Variants in BPI observed in about 807,000 individuals in gnomAD.
BPI encodes bactericidal permeability-increasing protein.
In BPI, 48 loss-of-function variants were observed where a neutral mutation model predicts 57.6. The ratio of observed to expected loss-of-function variants is 0.83; its 90% CI spans 0.66 to 1.06. The LOEUF is 1.06. Among genes scored for constraint, BPI ranks in the 50% least tolerant of loss-of-function variants. BPI has a pLI of 0.00. For synonymous variants in BPI, 237 were observed against 238.2 expected, an observed-to-expected ratio of 0.99 and a Z score of 0.05; for missense variants, 651 against 609.7, an observed-to-expected ratio of 1.07 and a Z score of -0.71.
rs992111808 is a variant in BPI, at chr20:38,335,457, G to C, written c.1337-141G>C. The C allele has an allele frequency of 6.9e-6, 5 of 726,144 alleles. No homozygotes were observed. In the African/African-American group the frequency reaches 8.8e-5, roughly 13 times the overall value. 45.0% of individuals were successfully genotyped at this position (726,144 alleles called of 1,614,324 possible). A position where few individuals can be genotyped will look rare whatever the true frequency, so the allele number is the denominator to read the frequency against. On this transcript the variant is annotated intron_variant, in intron 13 of 14. Transcript: ENST00000642449. Reference sequence around the variant, plus strand: ...GACTCTGGGGCAGCCTTCCTTTCAGGCATGTATGCCCATGCCAGTCCCTAC... The same window carrying C: ...GACTCTGGGGCAGCCTTCCTTTCAGCCATGTATGCCCATGCCAGTCCCTAC...
chr20:38,312,071 C>A, intron 5 of BPI, 134 bp downstream of exon 5: 2 of 843,626 alleles, frequency 2.4e-6, no homozygotes, highest in Non-Finnish European at 3.8e-6. Context: ...GAAACCACAA[C>A]CCCAGCTCTA....
At chr20:38,317,599 A>G (rs1244041752) in intron 5 of BPI, 3 of 713,226 alleles carry the variant, frequency 4.2e-6, no homozygotes, top group Non-Finnish European at 7.8e-6. Context: ...GAAGTTACAC[A>G]AAGGTCAGGT....
intron 11 of BPI, among the ~76,000 whole-genome samples, chr20:38,330,088 A>G (rs6064403): frequency 0.59 from 90,239 of 151,864 alleles, 27,074 homozygotes; most frequent in African/African-American, 0.67. Flanking sequence ...AAATTAGCTG[A>G]GCTTGGTGGC....
Position 38,337,482 on chromosome 20 carries a change from A to G in BPI, c.*298A>G, listed in dbSNP as rs2076773281. The stretch of plus-strand genomic sequence containing the variant: ...TTTCCATTTGTGCTTCATGAAAAAA[A>G]ACTTCTGGTTTTTTTCATGTGGATT... On this transcript the variant is annotated 3_prime_UTR_variant, in exon 15 of 15. Coordinates refer to ENST00000642449, the MANE Select transcript of BPI (RefSeq NM_001725.3). The G allele has an allele frequency of 3.1e-6, 1 of 319,738 alleles. No individual in the cohort carries two copies. The highest frequency in any genetic ancestry group is 5.6e-6 in the Non-Finnish European group (1 of 178,308). 19.8% of individuals were successfully genotyped at this position (319,738 alleles called of 1,614,324 possible).
chr20:38,323,887 G>T lies in BPI; in HGVS notation c.774G>T (p.Glu258Asp). ...DVQMKGEFYS[E>D]NHHNPPPFAP... is the part of the protein sequence containing the mutation. ...ACCCCCAGGGGGAGTTTTACAGTGAGAACCACCACAATCCACCTCCCTTTG... is the reference window on the plus strand; with the variant it reads ...ACCCCCAGGGGGAGTTTTACAGTGATAACCACCACAATCCACCTCCCTTTG... The change falls in exon 8 of 15, where the codon GAG becomes GAT. Residue 258 changes from glutamate to aspartate, a missense_variant. Coordinates refer to ENST00000642449, the MANE Select transcript of BPI (RefSeq NM_001725.3). 1.9e-6 allele frequency: 3 copies of T among 1,614,114 alleles called. No homozygotes were observed. The highest frequency in any genetic ancestry group is 2.5e-6 in the Non-Finnish European group (3 of 1,180,000).
At chr20:38,326,227 C>T (rs2076712181) in intron 9 of BPI, 38 bp from the exon 10 acceptor site, 1 of 1,582,274 alleles carries the variant, frequency 6.3e-7, no homozygotes, top group African/African-American at 1.3e-5. Flanking sequence ...TTAACAGAAA[C>T]TCCTCCTTTC....
intron 5 of BPI, chr20:38,318,133 ACCTT>A: frequency 2.5e-6 from 2 of 806,564 alleles, no homozygotes; most frequent in Non-Finnish European, 3.0e-6. Context: ...AAAAAAAAAA[ACCTT>A]ATAAAATAGA....
rs1299793962 is a variant in BPI, at chr20:38,327,655, G to A, written c.1229G>A (p.Arg410Lys). The change falls in exon 11 of 15, where the codon AGG becomes AAG. Residue 410 changes from arginine to lysine, a missense_variant and splice_region_variant. Transcript: ENST00000642449. ...NRLVGELKLD[R>K]LLLELKHSNI... ...CTTGTTGGAGAGCTCAAGCTGGATA[G>A]GTAAGTGGGCCTGTGAGAGGAGGAG... 2.5e-6 allele frequency: 4 copies of A among 1,613,430 alleles called. No individual in the cohort carries two copies. Among genetic ancestry groups the A allele is most frequent in the South Asian group, 1.1e-5 (1 of 91,072 alleles).
At chr20:38,327,092 C>T (rs1336367017) in intron 10 of BPI, among the ~76,000 whole-genome samples, 1 of 152,178 alleles carries the variant, frequency 6.6e-6, no homozygotes, top group Non-Finnish European at 1.5e-5. Context: ...CATATGGCCA[C>T]TGAGGGTGTG....
intron 1 of BPI, 31 bp downstream of exon 1, chr20:38,304,384 A>G: frequency 6.2e-7 from 1 of 1,606,474 alleles, no homozygotes; most frequent in Non-Finnish European, 8.5e-7. Context: ...CCTCCTCTCC[A>G]CCCCTGAGGA....
chr20:38,307,901 T>A (rs2076604594), intron 2 of BPI, among the ~76,000 whole-genome samples: 1 of 152,188 alleles, frequency 6.6e-6, no homozygotes, highest in African/African-American at 2.4e-5. Context: ...CCCCAAACTC[T>A]GCGCCATATG....
At position 38,336,418 on chromosome 20, in the gene BPI, G is replaced by A. The variant is rs148300153; in HGVS notation, c.1414-728G>A. Among the ~76,000 whole-genome samples, 802 of 151,928 alleles carry A rather than the reference G, an allele frequency of 5.3e-3. 5 individuals carry two copies. The highest frequency in any genetic ancestry group is 8.4e-3 in the Non-Finnish European group (570 of 67,984). ...TTCCAAACTCTCAGCTTGTGCATTC[G>A]CAGGCTCCCTCAATGTCTCCACCCT... On this transcript the variant is annotated intron_variant, in intron 14 of 14. Transcript: ENST00000642449.
chr20:38,336,256 T>C (rs1194761716), intron 14 of BPI, among the ~76,000 whole-genome samples: 1 of 151,918 alleles, frequency 6.6e-6, no homozygotes, highest in Non-Finnish European at 1.5e-5. Flanking sequence ...AAGCTGGAGA[T>C]CTCCAGGACC....
rs747911962 is a variant in BPI at position 38,323,829 on chromosome 20, C to T, written c.757-41C>T. The T allele has an allele frequency of 2.5e-6, 4 of 1,589,774 alleles. No individual in the cohort carries two copies. The East Asian group carries it at 6.8e-5, about 27-fold the overall frequency. ...GGATGGAGATGTTGACTTATAATTCCTGAAGAATATCTGGGCTCACTCTGT... is the reference window on the plus strand; with the variant it reads ...GGATGGAGATGTTGACTTATAATTCTTGAAGAATATCTGGGCTCACTCTGT... On this transcript the variant is annotated intron_variant, in intron 7 of 14. Coordinates refer to ENST00000642449, the MANE Select transcript of BPI (RefSeq NM_001725.3).
At chr20:38,316,245 C>T (rs567733338) in intron 5 of BPI, among the ~76,000 whole-genome samples, 1 of 151,280 alleles carries the variant, frequency 6.6e-6, no homozygotes, top group African/African-American at 2.5e-5. Context: ...CCCTCCATAC[C>T]CCAGGAAAAA....
intron 5 of BPI, among the ~76,000 whole-genome samples, chr20:38,314,450 GATGATGGTGATGGTGGGGAT>G (rs1191634071): frequency 1.1e-4 from 17 of 149,558 alleles, no homozygotes; most frequent in Non-Finnish European, 2.1e-4. Context: ...TGATTATAAT[GATGATGGTGATGGTGGGGAT>G]GATGATAATG....
At chr20:38,329,091 GAGAC>G (rs1309072705) in intron 11 of BPI, among the ~76,000 whole-genome samples, 2 of 152,048 alleles carry the variant, frequency 1.3e-5, no homozygotes, top group Non-Finnish European at 2.9e-5. Context: ...CATAGAGAAA[GAGAC>G]AGAGACACAG....
chr20:38,324,175 G>C, intron 8 of BPI, 129 bp downstream of exon 8: 1 of 1,153,632 alleles, frequency 8.7e-7, no homozygotes, highest in Non-Finnish European at 1.2e-6. Flanking sequence ...GAGTCAGCTA[G>C]AGCTGAGTTC....
chr20:38,322,613 TTTA>T (rs1600707649), intron 7 of BPI, among the ~76,000 whole-genome samples: 1 of 152,182 alleles, frequency 6.6e-6, no homozygotes, highest in East Asian at 1.9e-4. Context: ...TAGGTCCATC[TTTA>T]TTATTATTAT....
Sources: allele counts gnomAD v4.1 joint callset (sites outside exome capture counted in the v4.1 genomes callset), GRCh38; gene constraint gnomAD v4.1.1; transcripts MANE v1.5; gene names NCBI Gene and HGNC (gene_info 2026-07-23, HGNC 2026-07-21).